PALD1: variants seen among roughly 807,000 people sequenced by gnomAD.
PALD1 encodes paladin.
A neutral mutation model predicts 96.0 loss-of-function variants in PALD1; 57 were observed. That is an observed-to-expected ratio of 0.59 (90% CI 0.48 to 0.74). The LOEUF is 0.74. Among genes scored for constraint, PALD1 ranks in the 30% least tolerant of loss-of-function variants. The pLI, the probability that PALD1 is intolerant of heterozygous loss-of-function variation, is 0.00. For missense variants in PALD1, 1,063 were observed against 1,143.7 expected, an observed-to-expected ratio of 0.93 and a Z score of 1.02; for synonymous variants, 464 against 473.6, an observed-to-expected ratio of 0.98 and a Z score of 0.26.
intron 17 of PALD1, among the ~76,000 whole-genome samples, chr10:70,542,376 C>A (rs2132402504): frequency 6.6e-6 from 1 of 152,274 alleles, no homozygotes; most frequent in East Asian, 1.9e-4. Flanking sequence ...CAACTGTTGC[C>A]ACAACCCATC....
chr10:70,465,875 C>G, the PALD1 span, among the ~76,000 whole-genome samples: 2 of 152,188 alleles, frequency 1.3e-5, no homozygotes, highest in Admixed American at 6.5e-5. Context: ...ACATTTACCC[C>G]CTGAGGCCCC....
chr10:70,542,461 C>T (rs1414660036), intron 17 of PALD1, among the ~76,000 whole-genome samples: 1 of 152,144 alleles, frequency 6.6e-6, no homozygotes, highest in African/African-American at 2.4e-5. Flanking sequence ...TCCCAGCAGC[C>T]CCTGTTCTAC....
At chr10:70,529,397 T>G in intron 3 of PALD1, 66 bp downstream of exon 3, 1 of 726,602 alleles carries the variant, frequency 1.4e-6, no homozygotes, top group Non-Finnish European at 2.4e-6. Flanking sequence ...ATGAATTCCC[T>G]CCCTCACCTC....
At chr10:70,557,884 T>C (rs1487936331) in intron 18 of PALD1, among the ~76,000 whole-genome samples, 2 of 149,878 alleles carry the variant, frequency 1.3e-5, no homozygotes, top group East Asian at 3.9e-4. Context: ...TGTTGCTGTC[T>C]GGCTTGGCTT....
intron 1 of PALD1, among the ~76,000 whole-genome samples, chr10:70,513,594 C>G (rs376626801): frequency 6.6e-6 from 1 of 152,188 alleles, no homozygotes; most frequent in South Asian, 2.1e-4. Context: ...ACTTCTCTCT[C>G]TAAATCATGA....
chr10:70,532,647 GAAC>G lies in PALD1; in HGVS notation c.662_664del (p.Asn221del). 1 of 1,614,210 alleles carries G rather than the reference GAAC, an allele frequency of 6.2e-7. No individual in the cohort carries two copies. The highest frequency in any genetic ancestry group is 8.5e-7 in the Non-Finnish European group (1 of 1,180,022). ...TCCACGACTTTGCCCAGCTGAGCGA[GAAC>G]ACATACCATGTGTACCATAACACCG... On this transcript the variant is annotated inframe_deletion, in exon 6 of 20. Coordinates refer to ENST00000263563, the MANE Select transcript of PALD1 (RefSeq NM_014431.3).
the PALD1 span, among the ~76,000 whole-genome samples, chr10:70,471,970 G>A: frequency 6.6e-6 from 1 of 152,204 alleles, no homozygotes; most frequent in Non-Finnish European, 1.5e-5. Context: ...CATGCCCGAA[G>A]CTTCACAGAG....
At position 70,534,407 on chromosome 10, in the gene PALD1, C is replaced by G. The variant is rs1214457156; in HGVS notation, c.1023-18C>G. ...ACCTTTGGAAGAGCCTGCTAATGTA[C>G]TGACCCTGCCTCGACAGGGCTGCCC... On this transcript the variant is annotated intron_variant, in intron 8 of 19. Coordinates refer to ENST00000263563, the MANE Select transcript of PALD1 (RefSeq NM_014431.3). 6.4e-7 allele frequency: 1 copy of G among 1,572,266 alleles called. No homozygotes were observed. Among genetic ancestry groups the G allele is most frequent in the African/African-American group, 1.3e-5 (1 of 74,194 alleles).
intron 1 of PALD1, among the ~76,000 whole-genome samples, chr10:70,524,641 C>T (rs1589194631): frequency 1.3e-5 from 2 of 152,198 alleles, no homozygotes; most frequent in Non-Finnish European, 2.9e-5. Flanking sequence ...TCCTGATGCC[C>T]TTTCGTGAGT....
chr10:70,492,717 A>C (rs1846121981), intron 1 of PALD1, among the ~76,000 whole-genome samples: 1 of 152,024 alleles, frequency 6.6e-6, no homozygotes, highest in Non-Finnish European at 1.5e-5. Context: ...TTGGCCTCCC[A>C]AACTGCTGGG....
chr10:70,532,788 C>G lies in PALD1; in HGVS notation c.794+7C>G, dbSNP rs201606863. The G allele has an allele frequency of 1.3e-5, 21 of 1,613,568 alleles. No individual in the cohort carries two copies. The highest frequency in any genetic ancestry group is 1.4e-5 in the Non-Finnish European group (16 of 1,179,706). On this transcript the variant is annotated splice_region_variant and intron_variant, in intron 6 of 19. Transcript: ENST00000263563. ...TCCTGCAGCCCACCTACAGGTACCA[C>G]AGGGCCACCCCCAGCCCTGGCCATG...
the PALD1 span, among the ~76,000 whole-genome samples, chr10:70,466,393 C>T: frequency 2.2e-3 from 328 of 151,958 alleles, 1 homozygote; most frequent in African/African-American, 7.7e-3. Context: ...TATAGGTGCC[C>T]GCCACCATGC....
intron 1 of PALD1, among the ~76,000 whole-genome samples, chr10:70,523,850 C>A (rs1422112938): frequency 6.6e-6 from 1 of 152,054 alleles, no homozygotes; most frequent in East Asian, 1.9e-4. Context: ...TGGAGTTGTT[C>A]TCTCTGAGAG....
chr10:70,502,369 T>C (rs974026809), intron 1 of PALD1, among the ~76,000 whole-genome samples: 2 of 152,188 alleles, frequency 1.3e-5, no homozygotes, highest in East Asian at 3.9e-4. Context: ...TACATTCAGC[T>C]TCAAGCACTG....
At position 70,539,421 on chromosome 10, in the gene PALD1, T is replaced by C. The variant is rs1847190883; in HGVS notation, c.1726-159T>C. ...TTCCCACTAAAGTGCTCTGCTAACCTGCTTGGCTTTGGGGGGTGGCTGTGA... is the reference window on the plus strand; with the variant it reads ...TTCCCACTAAAGTGCTCTGCTAACCCGCTTGGCTTTGGGGGGTGGCTGTGA... On this transcript the variant is annotated intron_variant, in intron 14 of 19. Transcript: ENST00000263563. This position sits in a 1 kb window ranked among gnomAD's most constrained non-coding sequence, Gnocchi z 4.5. Among the ~76,000 whole-genome samples, 2 of 151,980 alleles carry C rather than the reference T, an allele frequency of 1.3e-5. No individual in the cohort carries two copies. Among genetic ancestry groups the C allele is most frequent in the African/African-American group, 4.8e-5 (2 of 41,390 alleles).
the PALD1 span, among the ~76,000 whole-genome samples, chr10:70,468,600 C>T: frequency 2.0e-5 from 3 of 152,106 alleles, no homozygotes; most frequent in African/African-American, 7.2e-5. Flanking sequence ...GTGGAGCCCC[C>T]CTTCCCTGCC....
At chr10:70,513,127 C>T (rs868851498) in intron 1 of PALD1, among the ~76,000 whole-genome samples, 39 of 152,170 alleles carry the variant, frequency 2.6e-4, no homozygotes, top group African/African-American at 9.2e-4. Flanking sequence ...CAGCTTAACA[C>T]TTTTTTCAGT....
Position 70,564,428 on chromosome 10 carries a change from A to AGC in PALD1, c.2330_2331dup (p.Tyr778AlafsTer5). The AGC allele has an allele frequency of 1.2e-6, 2 of 1,614,104 alleles. No individual in the cohort carries two copies. Among genetic ancestry groups the AGC allele is most frequent in the Non-Finnish European group, 1.7e-6 (2 of 1,179,976 alleles). ...CAGCTGCGGAGCCTGCAGTACTTGGAGCGCTATGTCTGCCTGATTCTCTTC... is the reference window on the plus strand; with the variant it reads ...CAGCTGCGGAGCCTGCAGTACTTGGAGCGCGCTATGTCTGCCTGATTCTCTTC... On this transcript the variant is annotated frameshift_variant, in exon 19 of 20. Coordinates refer to ENST00000263563, the MANE Select transcript of PALD1 (RefSeq NM_014431.3). LOFTEE classifies it high-confidence loss of function.
chr10:70,500,475 C>A (rs1846272945), intron 1 of PALD1, among the ~76,000 whole-genome samples: 1 of 152,302 alleles, frequency 6.6e-6, no homozygotes, highest in East Asian at 1.9e-4. Flanking sequence ...CACCTTAATT[C>A]TTCCCACAAT....
Sources: gnomAD v4.1 joint callset for allele counts (sites outside exome capture counted in the v4.1 genomes callset) on GRCh38, gnomAD v4.1.1 for gene constraint, Gnocchi (gnomAD v3.1) non-coding constraint, MANE v1.5 for transcripts, NCBI Gene and HGNC (gene_info 2026-07-23, HGNC 2026-07-21) for gene names.